Variants in CCR8 observed in about 807,000 individuals in gnomAD.
The protein encoded by CCR8 is C-C chemokine receptor type 8.
For synonymous variants in CCR8, 156 were observed against 165.7 expected, an observed-to-expected ratio of 0.94 and a Z score of 0.45; for missense variants, 358 against 417.5, an observed-to-expected ratio of 0.86 and a Z score of 1.24.
rs936007991 is a variant in CCR8 at position 39,332,526 on chromosome 3, G to A, written c.195G>A (p.Lys65=). The part of the protein sequence containing the change: ...LVILVLVVCK[K]LRSITDVYLL... Reference sequence around the variant, plus strand: ...TCCTGGTCCTTGTGGTCTGCAAGAAGCTGAGGAGCATCACAGATGTATACC... The same window carrying A: ...TCCTGGTCCTTGTGGTCTGCAAGAAACTGAGGAGCATCACAGATGTATACC... Residue 65 remains lysine, a synonymous_variant, in exon 2 of 2, where the codon AAG becomes AAA. Coordinates refer to ENST00000326306, the MANE Select transcript of CCR8 (RefSeq NM_005201.4). 4 of 1,614,174 alleles carry A rather than the reference G, an allele frequency of 2.5e-6. No individual in the cohort carries two copies. The highest frequency in any genetic ancestry group is 3.4e-6 in the Non-Finnish European group (4 of 1,180,018).
At position 39,333,233 on chromosome 3, in the gene CCR8, C is replaced by A; in HGVS notation, c.902C>A (p.Ala301Asp). The change falls in exon 2 of 2, where the codon GCT (alanine) becomes GAT (aspartate). Residue 301 changes from alanine to aspartate, a missense_variant. Ala to Asp is a moderately radical substitution (Grantham distance 126). Coordinates refer to ENST00000326306, the MANE Select transcript of CCR8 (RefSeq NM_005201.4). ...THCCVNPVIYAFVGEKFKKHL... is the reference protein window; with the variant it reads ...THCCVNPVIYDFVGEKFKKHL... ...TGCTGTGTGAACCCTGTTATCTATG[C>A]TTTTGTTGGGGAGAAGTTCAAGAAA... is the stretch of plus-strand genomic sequence containing the variant. 6.2e-7 allele frequency: 1 copy of A among 1,614,046 alleles called. No homozygotes were observed. The highest frequency in any genetic ancestry group is 8.5e-7 in the Non-Finnish European group (1 of 1,180,002).
chr3:39,333,453 CA>C lies in CCR8; in HGVS notation c.*55del. On this transcript the variant is annotated 3_prime_UTR_variant, in exon 2 of 2. Coordinates refer to ENST00000326306, the MANE Select transcript of CCR8 (RefSeq NM_005201.4). ...ATTTTCTTGAATGGCATGCTAGTAG[CA>C]GTGAGCAAAGGTGTGGGTGTGAAAG... 1 of 1,403,196 alleles carries C rather than the reference CA, an allele frequency of 7.1e-7. No individual in the cohort carries two copies. Among genetic ancestry groups the C allele is most frequent in the Non-Finnish European group, 9.8e-7 (1 of 1,022,126 alleles). The allele number at this position is 1,403,196 out of a possible 1,614,324, so 86.9% of individuals were successfully genotyped here.
rs764937340 is a variant in CCR8, at chr3:39,332,737, G to T, written c.406G>T (p.Val136Phe). ...GAGTGTGGACAGGTACCTGGCTGTT[G>T]TCCATGCCGTGTATGCCCTAAAGGT... ...LMSVDRYLAV[V>F]HAVYALKVRT... is the part of the protein sequence containing the mutation. Residue 136 changes from valine (V) to phenylalanine (F), a missense_variant, in exon 2 of 2, where the codon GTC becomes TTC. Transcript: ENST00000326306. The T allele has an allele frequency of 1.7e-5, 27 of 1,614,136 alleles. 1 individual carries two copies. The South Asian group carries it at 2.6e-4, about 16-fold the overall frequency.
chr3:39,332,462 T>C lies in CCR8; in HGVS notation c.131T>C (p.Leu44Pro). Residue 44 changes from leucine to proline, a missense_variant, in exon 2 of 2, where the codon CTC becomes CCC. Coordinates refer to ENST00000326306, the MANE Select transcript of CCR8 (RefSeq NM_005201.4). ...GKLLLAVFYC[L>P]LFVFSLLGNS... is the part of the protein sequence containing the mutation. ...TTGCTCCTTGCTGTCTTTTATTGCC[T>C]CCTGTTTGTATTCAGTCTTCTGGGA... 1 of 1,614,130 alleles carries C rather than the reference T, an allele frequency of 6.2e-7. No individual in the cohort carries two copies. Among genetic ancestry groups the C allele is most frequent in the Middle Eastern group, 1.7e-4 (1 of 6,060 alleles).
chr3:39,332,597 C>T lies in CCR8; in HGVS notation c.266C>T (p.Pro89Leu). ...LSDLLFVFSF[P>L]FQTYYLLDQW... ...GACCTGCTTTTTGTCTTCTCCTTCC[C>T]CTTTCAGACCTACTATCTGCTGGAC... The change falls in exon 2 of 2, where the codon CCC becomes CTC. Residue 89 changes from proline (P) to leucine (L), a missense_variant. Physicochemically the swap from Pro to Leu is moderately conservative, Grantham distance 98. Coordinates refer to ENST00000326306, the MANE Select transcript of CCR8 (RefSeq NM_005201.4). 1.2e-6 allele frequency: 2 copies of T among 1,614,120 alleles called. No homozygotes were observed. Among genetic ancestry groups the T allele is most frequent in the Non-Finnish European group, 1.7e-6 (2 of 1,180,018 alleles).
intron 1 of CCR8, among the ~76,000 whole-genome samples, chr3:39,331,817 T>C (rs1322064815): frequency 8.7e-6 from 1 of 114,296 alleles, no homozygotes; most frequent in Non-Finnish European, 1.9e-5. Flanking sequence ...TTTTTTAATT[T>C]TAATTTTTTT....
In CCR8 at chr3:39,333,323, C is replaced by T. The variant is rs1234975324; in HGVS notation, c.992C>T (p.Pro331Leu). 1.9e-6 allele frequency: 3 copies of T among 1,613,940 alleles called. No individual in the cohort carries two copies. Among genetic ancestry groups the T allele is most frequent in the African/African-American group, 2.7e-5 (2 of 74,900 alleles). The change falls in exon 2 of 2, where the codon CCT becomes CTT. Residue 331 changes from proline to leucine, a missense_variant. By Grantham distance (98) the Pro-to-Leu change is moderately conservative. Transcript: ENST00000326306. The stretch of plus-strand genomic sequence containing the variant: ...TTCAACTACCTAGGAAGACAAATGC[C>T]TAGGGAGAGCTGTGAAAAGTCATCA... ...QIFNYLGRQM[P>L]RESCEKSSSC...
chr3:39,332,338 T>G lies in CCR8; in HGVS notation c.7T>G (p.Tyr3Asp). Residue 3 changes from tyrosine to aspartate, a missense_variant, in exon 2 of 2, where the codon TAT becomes GAT. Tyr to Asp is a radical substitution (Grantham distance 160). Transcript: ENST00000326306. MD[Y>D]TLDLSVTTVT... ...ACCAGGTCCCGCTGCCTTGATGGAT[T>G]ATACACTTGACCTCAGTGTGACAAC... The G allele has an allele frequency of 6.2e-7, 1 of 1,608,956 alleles. No individual in the cohort carries two copies. The highest frequency in any genetic ancestry group is 8.5e-7 in the Non-Finnish European group (1 of 1,175,402).
chr3:39,332,786 C>T lies in CCR8; in HGVS notation c.455C>T (p.Thr152Met), dbSNP rs190329588. Residue 152 changes from threonine (T) to methionine (M), a missense_variant, in exon 2 of 2, where the codon ACG becomes ATG. Transcript: ENST00000326306. ...LKVRTIRMGT[T>M]LCLAVWLTAI... ...GTGAGGACGATCAGGATGGGCACAA[C>T]GCTGTGCCTGGCAGTATGGCTAACC... 195 of 1,614,142 alleles carry T rather than the reference C, an allele frequency of 1.2e-4. No individual in the cohort carries two copies. Among genetic ancestry groups the T allele is most frequent in the East Asian group, 6.7e-4 (30 of 44,878 alleles).
At position 39,330,838 on chromosome 3, in the gene CCR8, T is replaced by C. The variant is rs955167134; in HGVS notation, c.-15+1009T>C. 2.6e-5 allele frequency among the ~76,000 whole-genome samples: 4 copies of C among 152,230 alleles called. No homozygotes were observed. The South Asian group carries it at 8.3e-4, about 32-fold the overall frequency. On this transcript the variant is annotated intron_variant, in intron 1 of 1. Transcript: ENST00000326306. ...GTAAGTTAAAACACACAAAAATATA[T>C]ATTGTTTATGGATATATATAAATAT... is the stretch of plus-strand genomic sequence containing the variant.
In CCR8 at chr3:39,332,520, CAAG is replaced by C. The variant is rs746114199; in HGVS notation, c.193_195del (p.Lys65del). 3.1e-6 allele frequency: 5 copies of C among 1,614,140 alleles called. No homozygotes were observed. Among genetic ancestry groups the C allele is most frequent in the Non-Finnish European group, 4.2e-6 (5 of 1,180,014 alleles). On this transcript the variant is annotated inframe_deletion, in exon 2 of 2. Coordinates refer to ENST00000326306, the MANE Select transcript of CCR8 (RefSeq NM_005201.4). ...TGGTCATCCTGGTCCTTGTGGTCTG[CAAG>C]AAGCTGAGGAGCATCACAGATGTAT...
Position 39,332,830 on chromosome 3 carries a change from C to A in CCR8, c.499C>A (p.Pro167Thr). The A allele has an allele frequency of 6.2e-7, 1 of 1,614,170 alleles. No homozygotes were observed. ...GCTAACCGCCATTATGGCTACCATC[C>A]CATTGCTAGTGTTTTACCAAGTGGC... Reference protein sequence around the residue: ...VWLTAIMATIPLLVFYQVASE... With the variant: ...VWLTAIMATITLLVFYQVASE... Residue 167 changes from proline (P) to threonine (T), a missense_variant, in exon 2 of 2, where the codon CCA becomes ACA. Transcript: ENST00000326306.
intron 1 of CCR8, among the ~76,000 whole-genome samples, chr3:39,332,017 C>T (rs1278093282): frequency 6.6e-5 from 10 of 151,330 alleles, no homozygotes; most frequent in South Asian, 2.1e-4. Flanking sequence ...GACGGGGTTT[C>T]GCCATGTTGG....
In CCR8 at chr3:39,333,355, C is replaced by T. The variant is rs1486928042; in HGVS notation, c.1024C>T (p.Gln342Ter). 4 of 1,613,930 alleles carry T rather than the reference C, an allele frequency of 2.5e-6. No homozygotes were observed. Among genetic ancestry groups the T allele is most frequent in the Non-Finnish European group, 3.4e-6 (4 of 1,179,920 alleles). Residue 342 changes from glutamine (Q) to a stop codon, truncating the protein, a stop_gained, in exon 2 of 2, where the codon CAG becomes TAG. Transcript: ENST00000326306. LOFTEE classifies it high-confidence loss of function. ...RESCEKSSSC[Q>*]QHSSRSSSVD... is the part of the protein sequence containing the mutation. ...GAGCTGTGAAAAGTCATCATCCTGCCAGCAGCACTCCTCCCGTTCCTCCAG... is the reference window on the plus strand; with the variant it reads ...GAGCTGTGAAAAGTCATCATCCTGCTAGCAGCACTCCTCCCGTTCCTCCAG...
Position 39,333,205 on chromosome 3 carries a change from C to CA in CCR8, c.875dup (p.His292GlnfsTer41). Reference sequence around the variant, plus strand: ...TGTCACAGAAATCATTTCCTTTACTCACTGCTGTGTGAACCCTGTTATCTA... The same window carrying CA: ...TGTCACAGAAATCATTTCCTTTACTCAACTGCTGTGTGAACCCTGTTATCTA... On this transcript the variant is annotated frameshift_variant, in exon 2 of 2. Transcript: ENST00000326306. LOFTEE classifies it low-confidence loss of function (END_TRUNC). 2.5e-6 allele frequency: 4 copies of CA among 1,614,140 alleles called. No individual in the cohort carries two copies. The highest frequency in any genetic ancestry group is 3.4e-6 in the Non-Finnish European group (4 of 1,180,016).
In CCR8 at chr3:39,333,649, G is replaced by A. The variant is rs766239394; in HGVS notation, c.*250G>A. ...CTTTAAAGGATTCTGTATGCCAAGT[G>A]AAAAAAAAAGATGTCTGACCTCCTT... On this transcript the variant is annotated 3_prime_UTR_variant, in exon 2 of 2. Transcript: ENST00000326306. 1.3e-4 allele frequency: 56 copies of A among 441,548 alleles called. No individual in the cohort carries two copies. Among genetic ancestry groups the A allele is most frequent in the Middle Eastern group, 6.0e-4 (1 of 1,672 alleles). 27.4% of individuals were successfully genotyped at this position (441,548 alleles called of 1,614,324 possible).
At chr3:39,330,614 G>C (rs2041248553) in intron 1 of CCR8, among the ~76,000 whole-genome samples, 1 of 152,056 alleles carries the variant, frequency 6.6e-6, no homozygotes, top group Non-Finnish European at 1.5e-5. Context: ...TCCTAGTAAT[G>C]CTAGTAATTT....
chr3:39,333,459 G>A lies in CCR8; in HGVS notation c.*60G>A. On this transcript the variant is annotated 3_prime_UTR_variant, in exon 2 of 2. Transcript: ENST00000326306. ...TTGAATGGCATGCTAGTAGCAGTGA[G>A]CAAAGGTGTGGGTGTGAAAGGTTTC... 2.2e-6 allele frequency: 3 copies of A among 1,353,012 alleles called. No individual in the cohort carries two copies. The highest frequency in any genetic ancestry group is 3.1e-6 in the Non-Finnish European group (3 of 983,172). 83.8% of individuals were successfully genotyped at this position (1,353,012 alleles called of 1,614,324 possible). A position where few individuals can be genotyped will look rare whatever the true frequency, so the allele number is the denominator to read the frequency against.
In CCR8 at chr3:39,332,805, G is replaced by A. The variant is rs772838383; in HGVS notation, c.474G>A (p.Trp158Ter). ...RMGTTLCLAV[W>*]LTAIMATIPL... is the part of the protein sequence containing the mutation. The stretch of plus-strand genomic sequence containing the variant: ...GCACAACGCTGTGCCTGGCAGTATG[G>A]CTAACCGCCATTATGGCTACCATCC... The change falls in exon 2 of 2, where the codon TGG becomes TGA. Residue 158 changes from tryptophan (W) to a stop codon, truncating the protein, a stop_gained. Coordinates refer to ENST00000326306, the MANE Select transcript of CCR8 (RefSeq NM_005201.4). LOFTEE classifies it low-confidence loss of function (END_TRUNC). 11 of 1,614,180 alleles carry A rather than the reference G, an allele frequency of 6.8e-6. No homozygotes were observed. The highest frequency in any genetic ancestry group is 9.3e-6 in the Non-Finnish European group (11 of 1,180,014).
Sources: allele counts gnomAD v4.1 joint callset (sites outside exome capture counted in the v4.1 genomes callset), GRCh38; gene constraint gnomAD v4.1.1; transcripts MANE v1.5; gene names NCBI Gene and HGNC (gene_info 2026-07-23, HGNC 2026-07-21).